Variants in FHOD3 observed in about 807,000 individuals in gnomAD.
The protein encoded by FHOD3 is FH1/FH2 domain-containing protein 3.
FHOD3 carries 90 observed loss-of-function variants against 173.0 expected under a neutral mutation model. The ratio of observed to expected loss-of-function variants is 0.52; its 90% CI spans 0.44 to 0.62. FHOD3 has a LOEUF of 0.62. Ranked by LOEUF, FHOD3 falls within the 20% of genes least tolerant of loss-of-function variation. The pLI, the probability that FHOD3 is intolerant of heterozygous loss-of-function variation, is 0.00. For missense variants in FHOD3, 1,945 were observed against 2,034.7 expected, an observed-to-expected ratio of 0.96 and a Z score of 0.85; for synonymous variants, 828 against 823.0, an observed-to-expected ratio of 1.01 and a Z score of -0.10.
chr18:36,346,738 A>G (rs537686365), intron 1 of FHOD3, among the ~76,000 whole-genome samples: 9 of 152,212 alleles, frequency 5.9e-5, no homozygotes, highest in Non-Finnish European at 1.3e-4. Flanking sequence ...CCACACTGCA[A>G]AGCTGGTCCT....
At chr18:36,318,838 A>G (rs950064697) in intron 1 of FHOD3, among the ~76,000 whole-genome samples, 2 of 152,202 alleles carry the variant, frequency 1.3e-5, no homozygotes, top group Admixed American at 6.5e-5. Flanking sequence ...TTGCCCATTC[A>G]GGATGATATT....
chr18:36,420,785 C>A (rs1052048933), intron 3 of FHOD3, among the ~76,000 whole-genome samples: 1 of 152,072 alleles, frequency 6.6e-6, no homozygotes, highest in African/African-American at 2.4e-5. Flanking sequence ...CATTCCTTGC[C>A]CATTCTGGTG....
chr18:36,335,201 CA>C lies in FHOD3; in HGVS notation c.166-20329del, dbSNP rs966264343. Among the ~76,000 whole-genome samples the C allele has an allele frequency of 2.9e-3, 433 of 151,500 alleles. 4 individuals carry two copies. Among genetic ancestry groups the C allele is most frequent in the African/African-American group, 0.01 (414 of 41,392 alleles). On this transcript the variant is annotated intron_variant, in intron 1 of 28. Coordinates refer to ENST00000590592, the MANE Select transcript of FHOD3 (RefSeq NM_001281740.3). ...CAAAAGGATAGCTGATAAGCTAAAA[CA>C]AAAAAAAACTTGGCCGGGCGCGGTG...
chr18:36,351,061 G>A (rs1028901569), intron 1 of FHOD3, among the ~76,000 whole-genome samples: 10 of 152,108 alleles, frequency 6.6e-5, no homozygotes, highest in Non-Finnish European at 1.3e-4. Context: ...ATGGGCTGGG[G>A]TTTGTGTGGT....
chr18:36,419,857 C>G (rs1002202198), intron 3 of FHOD3, among the ~76,000 whole-genome samples: 2 of 152,160 alleles, frequency 1.3e-5, no homozygotes, highest in African/African-American at 4.8e-5. Context: ...AGAGTAGATC[C>G]TTGAGTCAGG....
In FHOD3 at chr18:36,594,791, G is replaced by C; in HGVS notation, c.611G>C (p.Arg204Pro). 6.2e-7 allele frequency: 1 copy of C among 1,612,262 alleles called. No individual in the cohort carries two copies. The highest frequency in any genetic ancestry group is 2.2e-5 in the East Asian group (1 of 44,822). Residue 204 changes from arginine to proline, a missense_variant, in exon 7 of 29, where the codon CGC becomes CCC. Transcript: ENST00000590592. ...TGGTTTTATCTCTTCTGCCAGTTCC[G>C]CCTGGTGGTGAAGACAGCCCTGAAG... ...WLYTLIGSKF[R>P]LVVKTALKLL...
chr18:36,662,712 T>C lies in FHOD3; in HGVS notation c.1835+4524T>C, dbSNP rs780577330. Among the ~76,000 whole-genome samples, 10 of 152,192 alleles carry C rather than the reference T, an allele frequency of 6.6e-5. 1 individual carries two copies. Among genetic ancestry groups the C allele is most frequent in the South Asian group, 4.1e-4 (2 of 4,832 alleles). ...GACATAACCTTTTGTGTGTGTGTAG[T>C]AAGAATACTTAACATGAGATCTACC... On this transcript the variant is annotated intron_variant, in intron 14 of 28. Transcript: ENST00000590592.
chr18:36,369,440 A>AACACACAACACAC (rs2047055191), intron 2 of FHOD3, among the ~76,000 whole-genome samples: 1 of 94,174 alleles, frequency 1.1e-5, no homozygotes, highest in Non-Finnish European at 2.1e-5. Context: ...ATTTTATTTA[A>AACACACAACACAC]ACACACACAC....
At chr18:36,561,480 A>C (rs1225688859) in intron 5 of FHOD3, among the ~76,000 whole-genome samples, 1 of 152,168 alleles carries the variant, frequency 6.6e-6, no homozygotes, top group Non-Finnish European at 1.5e-5. Flanking sequence ...AGTTGCGTTT[A>C]TGATTTTCTG....
At chr18:36,347,619 T>C (rs2045934473) in intron 1 of FHOD3, among the ~76,000 whole-genome samples, 1 of 152,260 alleles carries the variant, frequency 6.6e-6, no homozygotes, top group South Asian at 2.1e-4. Context: ...CCATATATGC[T>C]GGATCATCAA....
chr18:36,413,913 T>C (rs1034824683), intron 3 of FHOD3, among the ~76,000 whole-genome samples: 5 of 152,234 alleles, frequency 3.3e-5, no homozygotes, highest in Non-Finnish European at 5.9e-5. Context: ...CTTCCCATTC[T>C]ACCCTCACCT....
intron 1 of FHOD3, among the ~76,000 whole-genome samples, chr18:36,319,493 C>G (rs548299843): frequency 3.3e-5 from 5 of 152,282 alleles, no homozygotes; most frequent in Non-Finnish European, 7.4e-5. Flanking sequence ...AAAGCAAGTT[C>G]TTAGAGACCT....
At chr18:36,482,847 TCA>T (rs1288500945) in intron 3 of FHOD3, among the ~76,000 whole-genome samples, 4 of 114,674 alleles carry the variant, frequency 3.5e-5, no homozygotes, top group Non-Finnish European at 8.2e-5. Flanking sequence ...ACACACACAC[TCA>T]CACACACACA....
intron 3 of FHOD3, among the ~76,000 whole-genome samples, chr18:36,431,587 G>A (rs2050555008): frequency 1.3e-5 from 2 of 152,188 alleles, no homozygotes; most frequent in Admixed American, 1.3e-4. Context: ...GGCTTCAGTG[G>A]GTGGAGAGCT....
Position 36,779,509 on chromosome 18 carries a change from C to T in FHOD3, c.4848C>T (p.Gly1616=), listed in dbSNP as rs1189763142. ...AAGCCAGAGCCCTGGGCTTGGTTGGCACCTCGGAGTTGCAGCTGTGACACT... is the reference window on the plus strand; with the variant it reads ...AAGCCAGAGCCCTGGGCTTGGTTGGTACCTCGGAGTTGCAGCTGTGACACT... ...PEEARALGLV[G]TSELQL Residue 1616 remains glycine (G), a synonymous_variant, in exon 29 of 29, where the codon GGC becomes GGT. Transcript: ENST00000590592. 2 of 1,614,150 alleles carry T rather than the reference C, an allele frequency of 1.2e-6. No homozygotes were observed. The highest frequency in any genetic ancestry group is 1.1e-5 in the South Asian group (1 of 91,084).
At chr18:36,699,105 T>C (rs1191120936) in intron 17 of FHOD3, among the ~76,000 whole-genome samples, 2 of 152,196 alleles carry the variant, frequency 1.3e-5, no homozygotes, top group East Asian at 3.9e-4. Flanking sequence ...AGAAAGATAG[T>C]GCAGAAAAGA....
At chr18:36,566,655 G>A (rs920191006) in intron 5 of FHOD3, among the ~76,000 whole-genome samples, 3 of 152,170 alleles carry the variant, frequency 2.0e-5, no homozygotes, top group Admixed American at 6.5e-5. Flanking sequence ...AAAGGAGTGG[G>A]CATCAAAGGC....
At chr18:36,398,643 G>T (rs2048664627) in intron 3 of FHOD3, among the ~76,000 whole-genome samples, 1 of 152,236 alleles carries the variant, frequency 6.6e-6, no homozygotes, top group African/African-American at 2.4e-5. Context: ...GGTGCCTGCT[G>T]TATGGTTGGT....
At chr18:36,352,368 C>G (rs1023373373) in intron 1 of FHOD3, among the ~76,000 whole-genome samples, 2 of 152,162 alleles carry the variant, frequency 1.3e-5, no homozygotes, top group Non-Finnish European at 2.9e-5. Context: ...CAGTGTGTCA[C>G]TTCCTAATTA....
Sources: allele counts gnomAD v4.1 joint callset (sites outside exome capture counted in the v4.1 genomes callset), GRCh38; gene constraint gnomAD v4.1.1; transcripts MANE v1.5; gene names NCBI Gene and HGNC (gene_info 2026-07-23, HGNC 2026-07-21).